The following PLD5 variants were observed in gnomAD, a reference collection of about 807,000 sequenced individuals.
PLD5 encodes the protein phospholipase D family member 5.
PLD5 carries 36 observed loss-of-function variants against 61.1 expected under a neutral mutation model. That is an observed-to-expected ratio of 0.59 (90% confidence interval 0.45 to 0.78). The LOEUF is 0.78. Ranked by LOEUF, PLD5 falls within the 30% of genes least tolerant of loss-of-function variation. PLD5 has a pLI of 0.00. For missense variants in PLD5, 515 were observed against 644.4 expected, an observed-to-expected ratio of 0.80 and a Z score of 2.17; for synonymous variants, 243 against 242.8, an observed-to-expected ratio of 1.00 and a Z score of -0.01.
Position 242,523,638 on chromosome 1 carries a change from C to T in PLD5, c.189+450G>A, listed in dbSNP as rs1362280280. ...TGCGCGGGTCCACGCTGGTCGCTAGCGGCGCCAACTTTACTCATTCGTTAA... is the reference window on the plus strand; with the variant it reads ...TGCGCGGGTCCACGCTGGTCGCTAGTGGCGCCAACTTTACTCATTCGTTAA... On this transcript the variant is annotated intron_variant, in intron 1 of 9. Transcript: ENST00000536534. Among the ~76,000 whole-genome samples, 9 of 152,334 alleles carry T rather than the reference C, an allele frequency of 5.9e-5. No individual in the cohort carries two copies. In the East Asian group the frequency reaches 1.5e-3, roughly 26 times the overall value.
At chr1:242,515,876 A>C (rs1238560255) in intron 1 of PLD5, among the ~76,000 whole-genome samples, 1 of 152,196 alleles carries the variant, frequency 6.6e-6, no homozygotes, top group Admixed American at 6.5e-5. Flanking sequence ...TACTGCAAAA[A>C]CAGTTTTCCA....
chr1:242,130,973 C>T (rs1370754593), intron 5 of PLD5, among the ~76,000 whole-genome samples: 1 of 152,056 alleles, frequency 6.6e-6, no homozygotes, highest in Non-Finnish European at 1.5e-5. Flanking sequence ...CTGTAGTCCA[C>T]TGTCAAGAAG....
At chr1:242,481,346 A>C (rs1667768627) in intron 1 of PLD5, among the ~76,000 whole-genome samples, 1 of 152,204 alleles carries the variant, frequency 6.6e-6, no homozygotes, top group African/African-American at 2.4e-5. Context: ...CTGGAAAATC[A>C]GGTCACTCCC....
intron 1 of PLD5, among the ~76,000 whole-genome samples, chr1:242,490,508 G>A (rs1043384220): frequency 2.0e-5 from 3 of 152,112 alleles, no homozygotes; most frequent in African/African-American, 7.2e-5. Flanking sequence ...GTTTTGTTCA[G>A]TTACACATTT....
chr1:242,217,583 T>C (rs1670296049), intron 5 of PLD5, among the ~76,000 whole-genome samples: 1 of 152,190 alleles, frequency 6.6e-6, no homozygotes, highest in Non-Finnish European at 1.5e-5. Flanking sequence ...GCCACTGCAC[T>C]CTAGCCTGGG....
intron 1 of PLD5, among the ~76,000 whole-genome samples, chr1:242,441,706 C>T (rs540746675): frequency 1.8e-4 from 28 of 152,076 alleles, no homozygotes; most frequent in African/African-American, 6.5e-4. Flanking sequence ...CCCCTCTTCC[C>T]GAGGAACACA....
chr1:242,373,008 A>C (rs918988566), intron 1 of PLD5, among the ~76,000 whole-genome samples: 88 of 152,248 alleles, frequency 5.8e-4, no homozygotes, highest in African/African-American at 1.8e-3. Flanking sequence ...GAACAGGCAA[A>C]CTACAGAATG....
intron 9 of PLD5, among the ~76,000 whole-genome samples, chr1:242,097,666 AT>A (rs1558215868): frequency 2.0e-5 from 3 of 152,130 alleles, no homozygotes; most frequent in African/African-American, 7.2e-5. Flanking sequence ...AGATGAGTAG[AT>A]TGCAAAAATT....
At chr1:242,214,986 C>T (rs1348319174) in intron 5 of PLD5, among the ~76,000 whole-genome samples, 3 of 146,216 alleles carry the variant, frequency 2.1e-5, no homozygotes, top group Non-Finnish European at 4.5e-5. Flanking sequence ...ACGCCATTCT[C>T]CTGACTCAGC....
intron 5 of PLD5, among the ~76,000 whole-genome samples, chr1:242,216,330 T>C (rs928760264): frequency 5.3e-5 from 8 of 152,112 alleles, no homozygotes; most frequent in Non-Finnish European, 8.8e-5. Flanking sequence ...GATGAAGTTA[T>C]AGAATAGAGA....
chr1:242,157,852 G>A (rs1665510456), intron 5 of PLD5, among the ~76,000 whole-genome samples: 1 of 152,226 alleles, frequency 6.6e-6, no homozygotes. Context: ...TGTGCTGGGG[G>A]ATCTGCTGCT....
At chr1:242,226,661 G>A (rs568429051) in intron 4 of PLD5, among the ~76,000 whole-genome samples, 50 of 152,204 alleles carry the variant, frequency 3.3e-4, no homozygotes, top group African/African-American at 4.8e-4. Flanking sequence ...AAAGTGATGC[G>A]GCTAACCTCC....
intron 1 of PLD5, among the ~76,000 whole-genome samples, chr1:242,367,965 C>T (rs1005211207): frequency 6.6e-6 from 1 of 152,128 alleles, no homozygotes; most frequent in Non-Finnish European, 1.5e-5. Context: ...TTGATTGAAT[C>T]AAAGGAATTT....
chr1:242,207,069 T>A (rs921318511), intron 5 of PLD5, among the ~76,000 whole-genome samples: 2 of 152,138 alleles, frequency 1.3e-5, no homozygotes, highest in Non-Finnish European at 2.9e-5. Context: ...CCACTTCAAT[T>A]GATTGGATGA....
chr1:242,141,774 C>A (rs751055706), intron 5 of PLD5, among the ~76,000 whole-genome samples: 9 of 152,102 alleles, frequency 5.9e-5, no homozygotes, highest in African/African-American at 2.2e-4. Context: ...CTGAGCAATG[C>A]CAAGGCAGGT....
intron 1 of PLD5, among the ~76,000 whole-genome samples, chr1:242,454,546 T>C (rs1484938678): frequency 2.6e-5 from 4 of 152,190 alleles, no homozygotes; most frequent in Non-Finnish European, 5.9e-5. Context: ...CCAAGATTGC[T>C]AAGCATTTGC....
intron 1 of PLD5, among the ~76,000 whole-genome samples, chr1:242,419,318 T>G (rs58430347): frequency 0.037 from 5,676 of 152,070 alleles, 379 homozygotes; most frequent in African/African-American, 0.13. Flanking sequence ...GTCGCATGAC[T>G]TGTAGTTTCA....
intron 6 of PLD5, among the ~76,000 whole-genome samples, chr1:242,120,122 G>A (rs1354583223): frequency 6.6e-6 from 1 of 152,000 alleles, no homozygotes; most frequent in East Asian, 1.9e-4. Flanking sequence ...TCCAGAAAAA[G>A]GCAGATTCAT....
intron 6 of PLD5, among the ~76,000 whole-genome samples, chr1:242,123,704 T>C (rs1277071798): frequency 6.6e-6 from 1 of 152,190 alleles, no homozygotes; most frequent in East Asian, 1.9e-4. Context: ...CTTATCAACA[T>C]GATAATGAAT....
Sources: allele counts gnomAD v4.1 joint callset (sites outside exome capture counted in the v4.1 genomes callset), GRCh38; gene constraint gnomAD v4.1.1; transcripts MANE v1.5; gene names NCBI Gene and HGNC (gene_info 2026-07-23, HGNC 2026-07-21).